DMD: variants seen among roughly 807,000 people sequenced by gnomAD.
The protein encoded by DMD is mutant dystrophin.
Under a neutral mutation model 330.1 loss-of-function variants are expected in DMD, and 63 were observed. The observed-to-expected ratio is 0.19, with a 90% CI of 0.16 to 0.24. The LOEUF (loss-of-function observed/expected upper bound fraction) is 0.24, where lower values mean the gene tolerates loss of function less well. DMD is among the 10% of genes least tolerant of loss of function. The pLI, the probability that DMD is intolerant of heterozygous loss-of-function variation, is 1.00. For missense variants in DMD, 3,344 were observed against 2,684.1 expected (o/e 1.25, Z -5.43); for synonymous variants, 1,223 against 959.8 (o/e 1.27, Z -5.07).
intron 1 of DMD, among the ~76,000 whole-genome samples, chrX:33,199,647 AT>A (rs2051154090): frequency 9.0e-6 from 1 of 111,415 alleles, no homozygotes; most frequent in Admixed American, 9.6e-5. Context: ...AGCTGTGGAC[AT>A]AAGTGCAATG....
chrX:32,323,257 A>G (rs2097629914), intron 41 of DMD, among the ~76,000 whole-genome samples: 1 of 111,905 alleles, frequency 8.9e-6, no homozygotes, highest in Non-Finnish European at 1.9e-5. Context: ...GCCATTTTAT[A>G]TAAATAATTT....
intron 16 of DMD, among the ~76,000 whole-genome samples, chrX:32,545,867 T>G (rs1280132309): frequency 9.0e-6 from 1 of 111,034 alleles, no homozygotes; most frequent in East Asian, 2.8e-4. Flanking sequence ...TGAAACAGCT[T>G]TTAAAATTAC....
chrX:31,350,710 T>G (rs897257523), intron 60 of DMD, among the ~76,000 whole-genome samples: 2 of 106,543 alleles, frequency 1.9e-5, no homozygotes, highest in Non-Finnish European at 3.9e-5. Context: ...TGACACTGAG[T>G]GCACTGACTG....
chrX:32,508,014 A>G (rs1043112823), intron 18 of DMD, among the ~76,000 whole-genome samples: 2 of 110,324 alleles, frequency 1.8e-5, no homozygotes, highest in East Asian at 5.7e-4. Flanking sequence ...GTATCAGAAT[A>G]TATATCAGAG....
chrX:33,047,929 A>C (rs1464508133), intron 1 of DMD, among the ~76,000 whole-genome samples: 1 of 112,216 alleles, frequency 8.9e-6, no homozygotes. Flanking sequence ...ATTAGTTTTA[A>C]ATAGGGATCT....
chrX:31,800,363 G>A (rs746627999), intron 50 of DMD, among the ~76,000 whole-genome samples: 59 of 112,621 alleles, frequency 5.2e-4, no homozygotes, highest in Admixed American at 9.3e-4. Flanking sequence ...CCACATGTAA[G>A]CCACTAAGGC....
intron 9 of DMD, among the ~76,000 whole-genome samples, chrX:32,682,454 T>TC (rs778305883): frequency 4.5e-5 from 5 of 111,520 alleles, no homozygotes; most frequent in Non-Finnish European, 7.5e-5. Flanking sequence ...GGGCTCACTA[T>TC]CCCCCAAAGC....
intron 60 of DMD, among the ~76,000 whole-genome samples, chrX:31,368,344 C>A (rs2059370373): frequency 8.9e-6 from 1 of 111,953 alleles, no homozygotes; most frequent in Non-Finnish European, 1.9e-5. Flanking sequence ...TTGAATCTTT[C>A]CGACGTTGTG....
intron 7 of DMD, among the ~76,000 whole-genome samples, chrX:32,730,769 T>A (rs751136426): frequency 1.8e-5 from 2 of 111,990 alleles, no homozygotes; most frequent in South Asian, 7.4e-4. Flanking sequence ...GGCTATGTAT[T>A]CAATAGATTC....
At chrX:31,149,918 C>G (rs927956462) in intron 74 of DMD, among the ~76,000 whole-genome samples, 2 of 111,607 alleles carry the variant, frequency 1.8e-5, no homozygotes, top group African/African-American at 6.5e-5. Flanking sequence ...TCAGAGAACC[C>G]CTGTATGATA....
At chrX:31,783,311 T>TC (rs2091120934) in intron 50 of DMD, among the ~76,000 whole-genome samples, 2 of 112,119 alleles carry the variant, frequency 1.8e-5, no homozygotes, top group African/African-American at 6.5e-5. Context: ...CAGTGAAAAC[T>TC]AAGCAAAATG....
intron 12 of DMD, among the ~76,000 whole-genome samples, chrX:32,612,181 G>A (rs1813891641): frequency 9.0e-6 from 1 of 111,396 alleles, no homozygotes; most frequent in Non-Finnish European, 1.9e-5. Flanking sequence ...AAAGACTGTG[G>A]AGAATATACC....
intron 2 of DMD, among the ~76,000 whole-genome samples, chrX:32,949,217 A>G (rs566836111): frequency 4.6e-4 from 49 of 106,866 alleles, no homozygotes; most frequent in African/African-American, 1.6e-3. Context: ...TTGAAGTTGT[A>G]ATGTCTTACC....
chrX:31,997,512 A>C (rs1254237526), intron 44 of DMD, among the ~76,000 whole-genome samples: 1 of 109,020 alleles, frequency 9.2e-6, no homozygotes, highest in African/African-American at 3.3e-5. Context: ...AATTGTTGTC[A>C]CCTGAGTAAA....
chrX:32,715,673 G>A (rs1001661777), intron 7 of DMD, among the ~76,000 whole-genome samples: 4 of 108,228 alleles, frequency 3.7e-5, no homozygotes, highest in Non-Finnish European at 5.7e-5. Context: ...GGTGGTGGGC[G>A]CCTGTAAATC....
intron 44 of DMD, among the ~76,000 whole-genome samples, chrX:32,027,018 T>A (rs976181478): frequency 3.6e-5 from 4 of 111,134 alleles, no homozygotes; most frequent in Non-Finnish European, 7.5e-5. Context: ...CTGGGAAATG[T>A]AGTTGCTGGC....
chrX:31,235,898 A>G (rs2047676313), intron 63 of DMD, among the ~76,000 whole-genome samples: 1 of 112,296 alleles, frequency 8.9e-6, no homozygotes, highest in Non-Finnish European at 1.9e-5. Flanking sequence ...ATTGTGGCAG[A>G]TAACTGTATG....
At chrX:31,124,447 T>C (rs756041487) in intron 78 of DMD, among the ~76,000 whole-genome samples, 1 of 111,656 alleles carries the variant, frequency 9.0e-6, no homozygotes, top group South Asian at 3.8e-4. Flanking sequence ...CTAGTTCTAT[T>C]ATCCATGTGT....
intron 44 of DMD, chrX:32,101,977 C>T (rs1350888351): frequency 9.1e-6 from 1 of 110,162 alleles, no homozygotes; most frequent in African/African-American, 3.4e-5. Context: ...GACATGAACA[C>T]ATTAGAATAC....
Sources: gnomAD v4.1 joint callset for allele counts (sites outside exome capture counted in the v4.1 genomes callset) on GRCh38, gnomAD v4.1.1 for gene constraint, MANE v1.5 for transcripts, NCBI Gene and HGNC (gene_info 2026-07-23, HGNC 2026-07-21) for gene names.